Variants in SLC4A7 observed in about 807,000 individuals in gnomAD.
SLC4A7 encodes the protein sodium bicarbonate cotransporter 3.
In SLC4A7, 51 loss-of-function variants were observed where a neutral mutation model predicts 137.6. The ratio of observed to expected loss-of-function variants is 0.37; its 90% CI spans 0.30 to 0.47. The LOEUF (loss-of-function observed/expected upper bound fraction) is 0.47, where lower values mean the gene tolerates loss of function less well. Ranked by LOEUF, SLC4A7 falls within the 20% of genes least tolerant of loss-of-function variation. The pLI is 1.00. For synonymous variants in SLC4A7, 542 were observed against 518.6 expected, an observed-to-expected ratio of 1.05 and a Z score of -0.61; for missense variants, 1,247 against 1,525.4, an observed-to-expected ratio of 0.82 and a Z score of 3.04.
At chr3:27,423,928 A>G (rs1279751390) in intron 8 of SLC4A7, 109 bp downstream of exon 8, 9 of 649,414 alleles carry the variant, frequency 1.4e-5, no homozygotes, top group Non-Finnish European at 2.7e-6. Context: ...TGTAAGCACC[A>G]GTCTACTAAA....
chr3:27,409,598 A>C, intron 12 of SLC4A7, 68 bp from the exon 13 acceptor site: 1 of 1,278,138 alleles, frequency 7.8e-7, no homozygotes, highest in Non-Finnish European at 1.1e-6. Flanking sequence ...AACTAAAACT[A>C]TGGGCTACAC....
In SLC4A7 at chr3:27,400,804, A is replaced by G. The variant is rs1264309803; in HGVS notation, c.2387T>C (p.Ile796Thr). The change falls in exon 16 of 26, where the codon ATA (isoleucine) becomes ACA (threonine). Residue 796 changes from isoleucine to threonine, a missense_variant. By Grantham distance (89) the Ile-to-Thr change is moderately conservative. Coordinates refer to ENST00000454389, the MANE Select transcript of SLC4A7 (RefSeq NM_001321103.2). ...ETLAQWKKDN[I>T]TAHNISWRNL... is the part of the protein sequence containing the mutation. ...TCTCCAGGAAATATTGTGTGCTGTTATATTATCTTTCTTCCATTGTGCTAG... is the reference window on the plus strand; with the variant it reads ...TCTCCAGGAAATATTGTGTGCTGTTGTATTATCTTTCTTCCATTGTGCTAG... 1 of 1,607,766 alleles carries G rather than the reference A, an allele frequency of 6.2e-7. No individual in the cohort carries two copies. Among genetic ancestry groups the G allele is most frequent in the South Asian group, 1.1e-5 (1 of 90,932 alleles).
At position 27,397,689 on chromosome 3, in the gene SLC4A7, A is replaced by G; in HGVS notation, c.2698T>C (p.Phe900Leu). The G allele has an allele frequency of 6.4e-7, 1 of 1,562,336 alleles. No homozygotes were observed. The highest frequency in any genetic ancestry group is 8.8e-7 in the Non-Finnish European group (1 of 1,135,540). The stretch of plus-strand genomic sequence containing the variant: ...CCACTTGTTTTAATCCTTACCTCAA[A>G]TTTTTCAGGAACATGAAGTTTAGGA... Reference protein sequence around the residue: ...PSPKLHVPEKFEPTHPERGWI... With the variant: ...PSPKLHVPEKLEPTHPERGWI... The change falls in exon 18 of 26, where the codon TTT (phenylalanine) becomes CTT (leucine). Residue 900 changes from phenylalanine (F) to leucine (L), a missense_variant. Around this residue, in one of 6 missense-constraint regions of SLC4A7, gnomAD observed 499 missense variants for 664.2 expected, o/e 0.75. Transcript: ENST00000454389.
intron 15 of SLC4A7, 48 bp downstream of exon 15, chr3:27,403,091 T>A (rs1361820369): frequency 3.9e-6 from 6 of 1,550,684 alleles, no homozygotes; most frequent in African/African-American, 1.4e-5. Context: ...GGCTCTGACA[T>A]CTCTGTAAAA....
At chr3:27,423,449 T>C (rs1457402442) in intron 8 of SLC4A7, among the ~76,000 whole-genome samples, 1 of 152,236 alleles carries the variant, frequency 6.6e-6, no homozygotes, top group Non-Finnish European at 1.5e-5. Flanking sequence ...TTTTGCCCTG[T>C]TCTTTTAAAT....
chr3:27,457,270 G>A (rs954607011), intron 1 of SLC4A7, among the ~76,000 whole-genome samples: 2 of 152,080 alleles, frequency 1.3e-5, no homozygotes, highest in African/African-American at 4.8e-5. Context: ...GCCATTACAT[G>A]TTAATATACA....
Position 27,436,274 on chromosome 3 carries a change from T to C in SLC4A7, c.589+114A>G, listed in dbSNP as rs2056734662. 8 of 677,140 alleles carry C rather than the reference T, an allele frequency of 1.2e-5. No homozygotes were observed. The East Asian group carries it at 2.3e-4, about 19-fold the overall frequency. 41.9% of individuals were successfully genotyped at this position (677,140 alleles called of 1,614,324 possible). A position where few individuals can be genotyped will look rare whatever the true frequency, so the allele number is the denominator to read the frequency against. On this transcript the variant is annotated intron_variant, in intron 5 of 25. Transcript: ENST00000454389. Reference sequence around the variant, plus strand: ...AAATTTATCAAAGACAAAAATTCTATCTTATTTCCTTATACTGCACTCCAC... The same window carrying C: ...AAATTTATCAAAGACAAAAATTCTACCTTATTTCCTTATACTGCACTCCAC...
chr3:27,394,971 T>C lies in SLC4A7; in HGVS notation c.2848A>G (p.Lys950Glu). 1 of 1,596,830 alleles carries C rather than the reference T, an allele frequency of 6.3e-7. No homozygotes were observed. Among genetic ancestry groups the C allele is most frequent in the Non-Finnish European group, 8.5e-7 (1 of 1,175,428 alleles). ...AAAATTACCTTCAATTTGTGTTCCT[T>C]TCTGTTTATAATTACAGCTGTGATT... Reference protein sequence around the residue: ...QQITAVIINRKEHKLKKGAGY... With the variant: ...QQITAVIINREEHKLKKGAGY... Residue 950 changes from lysine (K) to glutamate (E), a missense_variant, in exon 19 of 26, where the codon AAG becomes GAG. Coordinates refer to ENST00000454389, the MANE Select transcript of SLC4A7 (RefSeq NM_001321103.2).
At chr3:27,404,342 G>A (rs191030440) in intron 14 of SLC4A7, among the ~76,000 whole-genome samples, 15 of 152,284 alleles carry the variant, frequency 9.9e-5, no homozygotes, top group African/African-American at 3.6e-4. Flanking sequence ...ACTCCAGCCT[G>A]GGCAACAGAG....
intron 22 of SLC4A7, among the ~76,000 whole-genome samples, chr3:27,387,479 ACC>A (rs2051094043): frequency 6.6e-6 from 1 of 151,756 alleles, no homozygotes; most frequent in African/African-American, 2.4e-5. Flanking sequence ...ACCACCCCCC[ACC>A]CCAACACATA....
chr3:27,443,814 C>G (rs1277544108), intron 3 of SLC4A7, among the ~76,000 whole-genome samples: 1 of 152,118 alleles, frequency 6.6e-6, no homozygotes, highest in Non-Finnish European at 1.5e-5. Flanking sequence ...TCAATGAGTT[C>G]AAAATATTTT....
At chr3:27,456,890 T>A (rs1308765634) in intron 1 of SLC4A7, 4 of 1,360,058 alleles carry the variant, frequency 2.9e-6, no homozygotes, top group Non-Finnish European at 3.8e-6. Context: ...GGTCACAGCA[T>A]AACAGATTTG....
At chr3:27,455,345 C>T (rs528581457) in intron 1 of SLC4A7, among the ~76,000 whole-genome samples, 2 of 152,070 alleles carry the variant, frequency 1.3e-5, no homozygotes, top group African/African-American at 2.4e-5. Context: ...AAAATATTTA[C>T]AAGACTAAAC....
intron 1 of SLC4A7, among the ~76,000 whole-genome samples, chr3:27,466,271 G>A (rs1429970539): frequency 6.6e-6 from 1 of 151,460 alleles, no homozygotes; most frequent in Non-Finnish European, 1.5e-5. Flanking sequence ...CTAACACGGT[G>A]AAACCCCGTC....
chr3:27,433,440 A>G (rs2056480883), intron 6 of SLC4A7, among the ~76,000 whole-genome samples: 1 of 152,216 alleles, frequency 6.6e-6, no homozygotes, highest in African/African-American at 2.4e-5. Flanking sequence ...ACCTGCCTGT[A>G]ACCTAAGAAT....
intron 11 of SLC4A7, among the ~76,000 whole-genome samples, chr3:27,417,714 A>G (rs1376846414): frequency 6.6e-6 from 1 of 152,204 alleles, no homozygotes; most frequent in African/African-American, 2.4e-5. Flanking sequence ...TGTTCATGAC[A>G]TTGCCCTCCA....
rs1294027793 is a variant in SLC4A7 at position 27,375,244 on chromosome 3, T to C, written c.*1520A>G. 1 of 152,060 alleles carries C rather than the reference T, an allele frequency of 6.6e-6. No individual in the cohort carries two copies. Among genetic ancestry groups the C allele is most frequent in the African/African-American group, 2.4e-5 (1 of 41,468 alleles). The allele number at this position is 152,060 out of a possible 1,614,324, so 9.4% of individuals were successfully genotyped here. On this transcript the variant is annotated 3_prime_UTR_variant, in exon 26 of 26. Coordinates refer to ENST00000454389, the MANE Select transcript of SLC4A7 (RefSeq NM_001321103.2). Reference sequence around the variant, plus strand: ...ATACCTTTGTAATTTAATTATATGGTTAAAGGGAGCATTGGAATTTCATAA... The same window carrying C: ...ATACCTTTGTAATTTAATTATATGGCTAAAGGGAGCATTGGAATTTCATAA...
chr3:27,451,690 AAAGG>A (rs2058083825), intron 2 of SLC4A7, among the ~76,000 whole-genome samples: 2 of 152,170 alleles, frequency 1.3e-5, no homozygotes, highest in Non-Finnish European at 2.9e-5. Context: ...TAGAACAGAA[AAAGG>A]CCATTAGTGG....
In SLC4A7 at chr3:27,373,357, C is replaced by T. The variant is rs2049689013; in HGVS notation, c.*3407G>A. The T allele has an allele frequency of 6.6e-6, 1 of 152,050 alleles. No individual in the cohort carries two copies. Among genetic ancestry groups the T allele is most frequent in the Non-Finnish European group, 1.5e-5 (1 of 67,958 alleles). The allele number at this position is 152,050 out of a possible 1,614,324, so 9.4% of individuals were successfully genotyped here. ...TTTGCAATTTGAACACTATTTTAAA[C>T]TTTGAATGTCCTTAAAGTCTTTAAA... On this transcript the variant is annotated 3_prime_UTR_variant, in exon 26 of 26. Transcript: ENST00000454389.
Sources: allele counts gnomAD v4.1 joint callset (sites outside exome capture counted in the v4.1 genomes callset), GRCh38; gene constraint gnomAD v4.1.1; regional missense constraint gnomAD v4.1.1; transcripts MANE v1.5; gene names NCBI Gene and HGNC (gene_info 2026-07-23, HGNC 2026-07-21).